MAP2K1: variants seen among roughly 807,000 people sequenced by gnomAD.
MAP2K1 encodes the protein dual specificity mitogen-activated protein kinase kinase 1.
A neutral mutation model predicts 46.3 loss-of-function variants in MAP2K1; 16 were observed. That is an observed-to-expected ratio of 0.35 (90% CI 0.23 to 0.52). MAP2K1 has a LOEUF of 0.52. MAP2K1 is among the 20% of genes least tolerant of loss of function. The pLI, the probability that MAP2K1 is intolerant of heterozygous loss-of-function variation, is 0.94. For missense variants in MAP2K1, 263 were observed against 497.1 expected (o/e 0.53, Z 4.48); for synonymous variants, 183 against 185.6 (o/e 0.99, Z 0.11).
intron 5 of MAP2K1, among the ~76,000 whole-genome samples, chr15:66,447,075 G>A (rs1341391385): frequency 2.0e-5 from 3 of 152,160 alleles, no homozygotes; most frequent in African/African-American, 2.4e-5. Flanking sequence ...GAGCTGAAGC[G>A]GAGATGAGTG....
intron 6 of MAP2K1, among the ~76,000 whole-genome samples, chr15:66,483,849 T>G (rs770806196): frequency 2.7e-5 from 4 of 148,586 alleles, no homozygotes; most frequent in African/African-American, 5.0e-5. Context: ...CCAGGTTCAC[T>G]CCATTCTCCT....
chr15:66,490,266 A>C lies in MAP2K1; in HGVS notation c.1069-236A>C, dbSNP rs1893204781. ...CATTTAAGGCAGAGTTACTGTCTCC[A>C]TACTGCACGAGTAGGCTCCAAGAGG... On this transcript the variant is annotated intron_variant, in intron 10 of 10. Coordinates refer to ENST00000307102, the MANE Select transcript of MAP2K1 (RefSeq NM_002755.4). The C allele has an allele frequency of 1.1e-5, 7 of 659,720 alleles. No homozygotes were observed. In the South Asian group the frequency reaches 1.1e-4, roughly 10 times the overall value. 40.9% of individuals were successfully genotyped at this position (659,720 alleles called of 1,614,324 possible). A position where few individuals can be genotyped will look rare whatever the true frequency, so the allele number is the denominator to read the frequency against.
At chr15:66,402,475 GT>G (rs1233260811) in intron 1 of MAP2K1, among the ~76,000 whole-genome samples, 2 of 152,132 alleles carry the variant, frequency 1.3e-5, no homozygotes, top group Admixed American at 6.5e-5. Flanking sequence ...CTCTTACGTA[GT>G]TTTGAGAGTC....
At position 66,455,068 on chromosome 15, in the gene MAP2K1, C is replaced by T. The variant is rs115846195; in HGVS notation, c.568+10361C>T. 8.7e-3 allele frequency among the ~76,000 whole-genome samples: 1,317 copies of T among 152,226 alleles called. 15 individuals are homozygous for T. Among genetic ancestry groups the T allele is most frequent in the African/African-American group, 0.03 (1,239 of 41,536 alleles). Reference sequence around the variant, plus strand: ...TGCTATTGCTGCTGGGCCAACTGTCCTCTCCTAGCCTTATTTAGGGGGTAG... The same window carrying T: ...TGCTATTGCTGCTGGGCCAACTGTCTTCTCCTAGCCTTATTTAGGGGGTAG... On this transcript the variant is annotated intron_variant, in intron 5 of 10. Transcript: ENST00000307102.
chr15:66,395,722 G>A (rs899010892), intron 1 of MAP2K1, among the ~76,000 whole-genome samples: 2 of 149,998 alleles, frequency 1.3e-5, no homozygotes, highest in Non-Finnish European at 3.0e-5. Flanking sequence ...GATTACAGGC[G>A]CACACCACCA....
chr15:66,481,645 G>T (rs1892917647), intron 5 of MAP2K1, 110 bp from the exon 6 acceptor site: 10 of 1,256,876 alleles, frequency 8.0e-6, no homozygotes, highest in Admixed American at 1.7e-5. Context: ...GCGGACGGGG[G>T]TGTGGTCCTG....
chr15:66,419,537 C>T (rs1160840385), intron 1 of MAP2K1, among the ~76,000 whole-genome samples: 2 of 151,828 alleles, frequency 1.3e-5, no homozygotes, highest in East Asian at 3.9e-4. Flanking sequence ...AAAAAAATTT[C>T]ATATGCGGCT....
chr15:66,463,747 G>A (rs1178822121), intron 5 of MAP2K1, among the ~76,000 whole-genome samples: 1 of 152,236 alleles, frequency 6.6e-6, no homozygotes, highest in Non-Finnish European at 1.5e-5. Flanking sequence ...GCCTCCCAAA[G>A]TGCTGGGATT....
chr15:66,459,683 C>T (rs1036908702), intron 5 of MAP2K1, among the ~76,000 whole-genome samples: 4 of 151,926 alleles, frequency 2.6e-5, no homozygotes, highest in South Asian at 2.1e-4. Flanking sequence ...CAAAGTGTCT[C>T]ACGGTGTCCC....
At chr15:66,430,242 T>G (rs934130254) in intron 1 of MAP2K1, among the ~76,000 whole-genome samples, 40 of 152,188 alleles carry the variant, frequency 2.6e-4, no homozygotes, top group African/African-American at 8.0e-4. Context: ...GTAGCATTCC[T>G]GCTTGCCAGA....
chr15:66,413,955 C>T (rs1595847254), intron 1 of MAP2K1, among the ~76,000 whole-genome samples: 2 of 98,220 alleles, frequency 2.0e-5, no homozygotes, highest in Admixed American at 1.1e-4. Flanking sequence ...GGTGAAGGGA[C>T]TTTTTTTTTT....
chr15:66,459,309 CAAAA>C (rs35580857), intron 5 of MAP2K1, among the ~76,000 whole-genome samples: 4 of 123,136 alleles, frequency 3.2e-5, no homozygotes, highest in Admixed American at 1.7e-4. Context: ...GACTCTGTCT[CAAAA>C]AAAAAAAAAA....
chr15:66,483,403 C>G (rs997351008), intron 6 of MAP2K1, among the ~76,000 whole-genome samples: 1 of 152,166 alleles, frequency 6.6e-6, no homozygotes, highest in African/African-American at 2.4e-5. Flanking sequence ...CATCCTGGGC[C>G]ATTTGACTGC....
chr15:66,409,981 C>T (rs11853649), intron 1 of MAP2K1, among the ~76,000 whole-genome samples: 2 of 152,158 alleles, frequency 1.3e-5, no homozygotes, highest in African/African-American at 4.8e-5. Context: ...ACCACTTGTC[C>T]TTAAAATGAC....
chr15:66,463,924 G>A (rs1685899334), intron 5 of MAP2K1, among the ~76,000 whole-genome samples: 1 of 152,198 alleles, frequency 6.6e-6, no homozygotes, highest in Admixed American at 6.5e-5. Flanking sequence ...GAGACAAATG[G>A]TTGTTTTCTT....
chr15:66,420,831 G>A (rs1567003181), intron 1 of MAP2K1, among the ~76,000 whole-genome samples: 7 of 104,152 alleles, frequency 6.7e-5, no homozygotes, highest in African/African-American at 2.0e-4. Flanking sequence ...ATATATATGT[G>A]TATATATATG....
intron 1 of MAP2K1, among the ~76,000 whole-genome samples, chr15:66,398,008 G>A (rs2093372264): frequency 6.6e-6 from 1 of 151,972 alleles, no homozygotes; most frequent in East Asian, 1.9e-4. Flanking sequence ...AGGCTGAGGT[G>A]GGAGAATTGC....
intron 1 of MAP2K1, among the ~76,000 whole-genome samples, chr15:66,416,551 T>A (rs1048138693): frequency 6.6e-6 from 1 of 152,176 alleles, no homozygotes; most frequent in Non-Finnish European, 1.5e-5. Flanking sequence ...AAGTTACCTA[T>A]CCCATGCCCT....
intron 5 of MAP2K1, 143 bp downstream of exon 5, chr15:66,444,850 T>A (rs1325532109): frequency 1.3e-6 from 1 of 753,078 alleles, no homozygotes; most frequent in East Asian, 2.6e-5. Flanking sequence ...CTTTGTTTAG[T>A]TTGGTGGCTG....
Sources: gnomAD v4.1 joint callset for allele counts (sites outside exome capture counted in the v4.1 genomes callset) on GRCh38, gnomAD v4.1.1 for gene constraint, MANE v1.5 for transcripts, NCBI Gene and HGNC (gene_info 2026-07-23, HGNC 2026-07-21) for gene names.